Variants in PARD3B observed in about 807,000 individuals in gnomAD.
PARD3B encodes par-3 family cell polarity regulator beta, also known as partitioning defective 3 homolog B.
Under a neutral mutation model 130.2 loss-of-function variants are expected in PARD3B, and 103 were observed. That is an observed-to-expected ratio of 0.79 (90% CI 0.67 to 0.93). PARD3B has a LOEUF of 0.93. PARD3B is among the 40% of genes least tolerant of loss of function. The pLI is 0.00. For synonymous variants in PARD3B, 583 were observed against 553.2 expected, an observed-to-expected ratio of 1.05 and a Z score of -0.76; for missense variants, 1,609 against 1,499.2, an observed-to-expected ratio of 1.07 and a Z score of -1.21.
rs12328940 is a variant in PARD3B, at chr2:204,938,330, T to A, written c.223-26822T>A. Among the ~76,000 whole-genome samples the A allele has an allele frequency of 2.1e-3, 321 of 152,334 alleles. 2 individuals are homozygous for A. Among genetic ancestry groups the A allele is most frequent in the African/African-American group, 7.5e-3 (310 of 41,582 alleles). ...ATTACAGCCACAATGGCTTTCTAAATGTTCTTTCAACAAGCCAAAGCCTTT... is the reference window on the plus strand; with the variant it reads ...ATTACAGCCACAATGGCTTTCTAAAAGTTCTTTCAACAAGCCAAAGCCTTT... On this transcript the variant is annotated intron_variant, in intron 2 of 22. Transcript: ENST00000406610.
Position 205,605,884 on chromosome 2 carries a change from C to T in PARD3B, c.3261-9572C>T, listed in dbSNP as rs73062228. The stretch of plus-strand genomic sequence containing the variant: ...GCTGATCCATGGAGATCACAGCCGC[C>T]CCTCCTCTCAGGAGCTCAGTCCCAG... On this transcript the variant is annotated intron_variant, in intron 22 of 22. Transcript: ENST00000406610. Among the ~76,000 whole-genome samples the T allele has an allele frequency of 6.6e-3, 1,002 of 152,320 alleles. 9 individuals are homozygous for T. Among genetic ancestry groups the T allele is most frequent in the African/African-American group, 0.022 (897 of 41,576 alleles).
At chr2:205,381,210 A>AT (rs2045429485) in intron 18 of PARD3B, among the ~76,000 whole-genome samples, 1 of 125,306 alleles carries the variant, frequency 8.0e-6, no homozygotes, top group East Asian at 2.1e-4. Context: ...ATAATATATA[A>AT]AGAATATATA....
At chr2:205,387,454 G>T (rs147371663) in intron 18 of PARD3B, among the ~76,000 whole-genome samples, 284 of 152,220 alleles carry the variant, frequency 1.9e-3, no homozygotes, top group African/African-American at 6.4e-3. Flanking sequence ...GATAATGGGT[G>T]GATTTATTGT....
intron 18 of PARD3B, among the ~76,000 whole-genome samples, chr2:205,360,383 G>A (rs961490408): frequency 6.6e-6 from 1 of 151,926 alleles, no homozygotes; most frequent in Admixed American, 6.6e-5. Context: ...TTTCATTAGA[G>A]GTGGTTATAC....
intron 19 of PARD3B, among the ~76,000 whole-genome samples, chr2:205,431,867 A>G (rs769485392): frequency 3.3e-5 from 5 of 152,218 alleles, no homozygotes; most frequent in East Asian, 3.8e-4. Flanking sequence ...ACAGAATTCA[A>G]TAATTCAATT....
chr2:204,911,936 A>G (rs2047252703), intron 2 of PARD3B, among the ~76,000 whole-genome samples: 1 of 152,234 alleles, frequency 6.6e-6, no homozygotes, highest in African/African-American at 2.4e-5. Flanking sequence ...ACAAAAAGTA[A>G]TATGTGAAAT....
chr2:204,866,671 A>G (rs1220235132), intron 2 of PARD3B, among the ~76,000 whole-genome samples: 1 of 151,756 alleles, frequency 6.6e-6, no homozygotes, highest in Non-Finnish European at 1.5e-5. Flanking sequence ...ATATATGTGT[A>G]TATATACATA....
chr2:204,569,181 C>T (rs1218121650), intron 1 of PARD3B, among the ~76,000 whole-genome samples: 1 of 152,124 alleles, frequency 6.6e-6, no homozygotes, highest in African/African-American at 2.4e-5. Flanking sequence ...GCACAGTTTG[C>T]ATATTTAAAC....
At chr2:204,873,903 G>A (rs1214603911) in intron 2 of PARD3B, among the ~76,000 whole-genome samples, 2 of 152,214 alleles carry the variant, frequency 1.3e-5, no homozygotes, top group Admixed American at 1.3e-4. Flanking sequence ...AGCACTTTGG[G>A]AGGCTGAGGG....
At chr2:204,684,116 TCTGTGTTTCCAC>T (rs1303581711) in intron 1 of PARD3B, among the ~76,000 whole-genome samples, 1 of 152,184 alleles carries the variant, frequency 6.6e-6, no homozygotes, top group Non-Finnish European at 1.5e-5. Context: ...TTTTCTTCTC[TCTGTGTTTCCAC>T]CTCTAGGCAG....
At position 204,639,358 on chromosome 2, in the gene PARD3B, A is replaced by G. The variant is rs75469841; in HGVS notation, c.121-46823A>G. ...TGTGAGGATGAAAATAACTATTACT[A>G]TCATTATTAATAACTTTTGTTCAGG... On this transcript the variant is annotated intron_variant, in intron 1 of 22. Transcript: ENST00000406610. Among the ~76,000 whole-genome samples the G allele has an allele frequency of 9.0e-3, 1,371 of 152,226 alleles. 17 individuals are homozygous for G. Among genetic ancestry groups the G allele is most frequent in the African/African-American group, 0.031 (1,304 of 41,536 alleles).
chr2:204,863,277 G>C (rs907931971), intron 2 of PARD3B, among the ~76,000 whole-genome samples: 1 of 152,110 alleles, frequency 6.6e-6, no homozygotes, highest in Non-Finnish European at 1.5e-5. Flanking sequence ...AATTAATGCA[G>C]ATACCTCTTG....
chr2:204,644,258 A>C (rs2035194363), intron 1 of PARD3B, among the ~76,000 whole-genome samples: 1 of 152,000 alleles, frequency 6.6e-6, no homozygotes, highest in African/African-American at 2.4e-5. Flanking sequence ...ATAGGGACTG[A>C]AAGTTCCTTA....
intron 15 of PARD3B, among the ~76,000 whole-genome samples, chr2:205,228,788 A>AT (rs1269835679): frequency 1.4e-5 from 2 of 145,858 alleles, no homozygotes; most frequent in Non-Finnish European, 3.0e-5. Context: ...GGTGTGCTTC[A>AT]TTGTTTTTTT....
chr2:205,065,732 A>G (rs530528465), intron 4 of PARD3B, among the ~76,000 whole-genome samples: 30 of 152,224 alleles, frequency 2.0e-4, no homozygotes, highest in Admixed American at 8.5e-4. Flanking sequence ...AGGATGCCCA[A>G]TGGATTTTCT....
chr2:205,037,533 T>G (rs1698081335), intron 3 of PARD3B, among the ~76,000 whole-genome samples: 1 of 147,842 alleles, frequency 6.8e-6, no homozygotes, highest in Non-Finnish European at 1.5e-5. Flanking sequence ...ATGTATATAG[T>G]GTACTATACA....
chr2:205,204,787 T>C (rs981758945), intron 15 of PARD3B, among the ~76,000 whole-genome samples: 4 of 152,188 alleles, frequency 2.6e-5, no homozygotes, highest in African/African-American at 7.2e-5. Context: ...CTGAGGTCTC[T>C]ATTCTGTTCC....
intron 10 of PARD3B, among the ~76,000 whole-genome samples, chr2:205,131,852 AT>A (rs1162395690): frequency 1.3e-5 from 2 of 152,174 alleles, no homozygotes; most frequent in African/African-American, 4.8e-5. Flanking sequence ...GGGAAAAAAG[AT>A]GTTGGGATAT....
chr2:204,725,976 T>G (rs1487398958), intron 2 of PARD3B, among the ~76,000 whole-genome samples: 3 of 152,158 alleles, frequency 2.0e-5, no homozygotes, highest in African/African-American at 7.2e-5. Context: ...GTCATGCTGA[T>G]TGGGAAGCTA....
Sources: gnomAD v4.1 joint callset for allele counts (sites outside exome capture counted in the v4.1 genomes callset) on GRCh38, gnomAD v4.1.1 for gene constraint, MANE v1.5 for transcripts, NCBI Gene and HGNC (gene_info 2026-07-23, HGNC 2026-07-21) for gene names.